PPP1R8: variants seen among roughly 807,000 people sequenced by gnomAD.
PPP1R8 encodes nuclear inhibitor of protein phosphatase 1.
A neutral mutation model predicts 31.3 loss-of-function variants in PPP1R8; 4 were observed. That is an observed-to-expected ratio of 0.13 (90% CI 0.06 to 0.29). The LOEUF (loss-of-function observed/expected upper bound fraction) is 0.29. Ranked by LOEUF, PPP1R8 falls within the 10% of genes least tolerant of loss-of-function variation. The pLI is 1.00. For synonymous variants in PPP1R8, 170 were observed against 169.7 expected (o/e 1.00, Z -0.01); for missense variants, 254 against 440.1 (o/e 0.58, Z 3.78).
chr1:27,837,594 C>T (rs1304698688), intron 2 of PPP1R8, among the ~76,000 whole-genome samples: 4 of 145,434 alleles, frequency 2.8e-5, no homozygotes, highest in Non-Finnish European at 6.0e-5. Flanking sequence ...TCCTGGCTAA[C>T]ACGGTGAAAC....
chr1:27,841,269 G>C, intron 4 of PPP1R8, 35 bp downstream of exon 4: 2 of 1,608,614 alleles, frequency 1.2e-6, no homozygotes, highest in Non-Finnish European at 1.7e-6. Flanking sequence ...TTTGTCTTTG[G>C]GGACCCTGGT....
In PPP1R8 at chr1:27,850,466, G is replaced by A. The variant is rs2089332594; in HGVS notation, c.*20G>A. ...ATTTGATATTTTTGGTCATGGAGAAGGGTGGGATTGGGTGGGAATGGGGTG... is the reference window on the plus strand; with the variant it reads ...ATTTGATATTTTTGGTCATGGAGAAAGGTGGGATTGGGTGGGAATGGGGTG... On this transcript the variant is annotated 3_prime_UTR_variant, in exon 7 of 7. Transcript: ENST00000311772. The A allele has an allele frequency of 1.3e-6, 2 of 1,490,186 alleles. No individual in the cohort carries two copies. The highest frequency in any genetic ancestry group is 2.3e-5 in the East Asian group (1 of 43,944). 92.3% of individuals were successfully genotyped at this position (1,490,186 alleles called of 1,614,324 possible). A position where few individuals can be genotyped will look rare whatever the true frequency, so the allele number is the denominator to read the frequency against.
intron 2 of PPP1R8, 123 bp from the exon 3 acceptor site, chr1:27,838,575 AT>A (rs2089193432): frequency 1.9e-6 from 1 of 522,742 alleles, no homozygotes; most frequent in African/African-American, 2.0e-5. Flanking sequence ...ATGCAAGGAG[AT>A]GGAGTTTTTA....
chr1:27,846,533 A>C (rs1387186946), intron 5 of PPP1R8, among the ~76,000 whole-genome samples: 1 of 152,236 alleles, frequency 6.6e-6, no homozygotes. Context: ...TTGAAACCAA[A>C]ATCCGTTTTT....
intron 1 of PPP1R8, among the ~76,000 whole-genome samples, chr1:27,831,633 C>A (rs1385223655): frequency 6.6e-6 from 1 of 152,170 alleles, no homozygotes; most frequent in African/African-American, 2.4e-5. Context: ...TATTGCCATC[C>A]TCAAGGGCAA....
chr1:27,834,950 A>C (rs1317818455), intron 2 of PPP1R8, among the ~76,000 whole-genome samples: 1 of 152,180 alleles, frequency 6.6e-6, no homozygotes. Flanking sequence ...CCCAGGAGGC[A>C]GAGTTTGCAG....
chr1:27,834,535 T>C (rs769340862), intron 2 of PPP1R8: 4 of 518,652 alleles, frequency 7.7e-6, no homozygotes, highest in Non-Finnish European at 1.5e-5. Flanking sequence ...TGTGTAAAGA[T>C]ACACTCTGAG....
chr1:27,847,558 C>T (rs1264058454), intron 6 of PPP1R8, among the ~76,000 whole-genome samples: 1 of 151,338 alleles, frequency 6.6e-6, no homozygotes, highest in Non-Finnish European at 1.5e-5. Context: ...TGTTGAAACC[C>T]TGTCTCTACT....
At chr1:27,849,145 G>A (rs1335721427) in intron 6 of PPP1R8, among the ~76,000 whole-genome samples, 1 of 152,182 alleles carries the variant, frequency 6.6e-6, no homozygotes, top group African/African-American at 2.4e-5. Flanking sequence ...GCCGAGGCGG[G>A]CTGATCACCT....
At chr1:27,837,428 A>C (rs1325229860) in intron 2 of PPP1R8, among the ~76,000 whole-genome samples, 1 of 150,268 alleles carries the variant, frequency 6.7e-6, no homozygotes, top group Non-Finnish European at 1.5e-5. Context: ...CTCGTCTCAA[A>C]AAAAAAAAAG....
intron 2 of PPP1R8, chr1:27,834,424 G>A (rs1302056042): frequency 3.9e-6 from 2 of 518,816 alleles, no homozygotes; most frequent in African/African-American, 3.9e-5. Context: ...TAACCGAGCT[G>A]TCTATATCCT....
chr1:27,839,931 T>C lies in PPP1R8; in HGVS notation c.271+1079T>C, dbSNP rs192612461. On this transcript the variant is annotated intron_variant, in intron 3 of 6. Transcript: ENST00000311772. ...CAAAAAGTAGCCCTGTATTGTGGAGTGCGCTATGGTCTCAGCTGCTTGGGA... is the reference window on the plus strand; with the variant it reads ...CAAAAAGTAGCCCTGTATTGTGGAGCGCGCTATGGTCTCAGCTGCTTGGGA... Among the ~76,000 whole-genome samples the C allele has an allele frequency of 2.6e-5, 4 of 151,962 alleles. No homozygotes were observed. In the East Asian group the frequency reaches 5.8e-4, roughly 22 times the overall value.
chr1:27,848,443 T>C (rs2089307366), intron 6 of PPP1R8, among the ~76,000 whole-genome samples: 1 of 152,114 alleles, frequency 6.6e-6, no homozygotes, highest in South Asian at 2.1e-4. Flanking sequence ...GGGGTAGAAG[T>C]TACAGAGATG....
intron 3 of PPP1R8, among the ~76,000 whole-genome samples, chr1:27,840,608 G>A (rs982723434): frequency 3.3e-5 from 5 of 152,190 alleles, no homozygotes; most frequent in African/African-American, 4.8e-5. Flanking sequence ...TTTGGGAGGC[G>A]TGGCTTCTGC....
chr1:27,846,957 G>T, intron 5 of PPP1R8, 71 bp from the exon 6 acceptor site: 1 of 1,252,636 alleles, frequency 8.0e-7, no homozygotes, highest in Non-Finnish European at 1.2e-6. Flanking sequence ...TGGTTTGTTT[G>T]CAGTGACTCC....
chr1:27,850,067 TC>T (rs1182281658), intron 6 of PPP1R8, 25 bp from the exon 7 acceptor site: 1 of 1,515,078 alleles, frequency 6.6e-7, no homozygotes, highest in African/African-American at 1.4e-5. Flanking sequence ...CTCCAATCTC[TC>T]CCCTCTCCTC....
intron 1 of PPP1R8, 143 bp downstream of exon 1, chr1:27,831,034 G>C: frequency 7.1e-7 from 1 of 1,399,466 alleles, no homozygotes; most frequent in Non-Finnish European, 9.3e-7. Context: ...TTGCTGCACC[G>C]GGCCGGGCGA....
At chr1:27,843,953 A>T (rs952769389) in intron 5 of PPP1R8, among the ~76,000 whole-genome samples, 5 of 152,212 alleles carry the variant, frequency 3.3e-5, no homozygotes, top group African/African-American at 1.2e-4. Flanking sequence ...ACTGTCTCCA[A>T]AAAAGAGTTT....
chr1:27,844,296 C>T (rs1467596569), intron 5 of PPP1R8, among the ~76,000 whole-genome samples: 2 of 151,982 alleles, frequency 1.3e-5, no homozygotes, highest in Non-Finnish European at 2.9e-5. Context: ...AGTCCCCATG[C>T]CTGGCTGAAA....
Sources: gnomAD v4.1 joint callset for allele counts (sites outside exome capture counted in the v4.1 genomes callset) on GRCh38, gnomAD v4.1.1 for gene constraint, MANE v1.5 for transcripts, NCBI Gene and HGNC (gene_info 2026-07-23, HGNC 2026-07-21) for gene names.